Variants in ANK3 observed in about 807,000 individuals in gnomAD.
The protein encoded by ANK3 is ankyrin 3, also known as ankyrin-3.
ANK3 carries 57 observed loss-of-function variants against 370.9 expected under a neutral mutation model. The observed-to-expected ratio is 0.15, with a 90% confidence interval of 0.12 to 0.19. ANK3 has a LOEUF of 0.19. Among genes scored for constraint, ANK3 ranks in the 10% least tolerant of loss-of-function variants. The probability of loss-of-function intolerance (pLI) is 1.00; values close to 1 mark genes in which losing one functional copy is unlikely to be tolerated. For synonymous variants in ANK3, 1,929 were observed against 1,946.3 expected (o/e 0.99, Z 0.23); for missense variants, 4,439 against 5,302.1 (o/e 0.84, Z 5.06).
intron 2 of ANK3, among the ~76,000 whole-genome samples, chr10:60,475,225 A>G (rs1171915479): frequency 3.3e-5 from 5 of 152,130 alleles, no homozygotes; most frequent in African/African-American, 1.2e-4. Context: ...TATAAAAGCA[A>G]ATGGATCATA....
chr10:60,187,738 T>C (rs973795144), intron 16 of ANK3, among the ~76,000 whole-genome samples: 1 of 152,172 alleles, frequency 6.6e-6, no homozygotes, highest in Non-Finnish European at 1.5e-5. Context: ...CTCTCCTCAT[T>C]TGGCCTTTTG....
rs756221675 is a variant in ANK3, at chr10:60,055,778, T to C, written c.12945A>G (p.Ile4315Met). ...CAGGCACACAGGGTTTAGTCTCTTC[T>C]ATTATAAGCTTGCTGGTTTCTTCTA... ...KSLEETSKLI[I>M]EETKPCVPVS... The change falls in exon 42 of 44, where the codon ATA becomes ATG. Residue 4315 changes from isoleucine to methionine, a missense_variant. This residue lies in a region of ANK3 where 242 missense variants were observed against 228.0 expected (regional missense o/e 1.06). Transcript: ENST00000280772. 2 of 1,614,218 alleles carry C rather than the reference T, an allele frequency of 1.2e-6. No homozygotes were observed. The highest frequency in any genetic ancestry group is 1.1e-5 in the South Asian group (1 of 91,088).
At chr10:60,254,241 T>C (rs1410120557) in intron 7 of ANK3, among the ~76,000 whole-genome samples, 3 of 148,924 alleles carry the variant, frequency 2.0e-5, no homozygotes. Context: ...TGTTTTTTTT[T>C]TCCCCCCAAA....
At chr10:60,319,542 A>G (rs2048180567) in intron 1 of ANK3, among the ~76,000 whole-genome samples, 1 of 152,182 alleles carries the variant, frequency 6.6e-6, no homozygotes, top group African/African-American at 2.4e-5. Flanking sequence ...TTTACTATTT[A>G]AGCACATATT....
At chr10:60,700,952 A>G (rs978626311) in intron 1 of ANK3, among the ~76,000 whole-genome samples, 1 of 152,076 alleles carries the variant, frequency 6.6e-6, no homozygotes, top group Non-Finnish European at 1.5e-5. Flanking sequence ...AAAAATAAAA[A>G]TGTATATGGC....
chr10:60,250,338 A>T (rs896920494), intron 7 of ANK3, among the ~76,000 whole-genome samples: 1 of 152,232 alleles, frequency 6.6e-6, no homozygotes, highest in Non-Finnish European at 1.5e-5. Context: ...GTCTTGACTT[A>T]GAAACTGTTA....
chr10:60,149,778 G>A (rs188246798), intron 23 of ANK3, among the ~76,000 whole-genome samples: 2 of 152,182 alleles, frequency 1.3e-5, no homozygotes, highest in South Asian at 2.1e-4. Flanking sequence ...GTACGATCTC[G>A]GCTCACTGCA....
chr10:60,180,959 G>A (rs986927568), intron 18 of ANK3, among the ~76,000 whole-genome samples: 1 of 152,074 alleles, frequency 6.6e-6, no homozygotes, highest in Non-Finnish European at 1.5e-5. Flanking sequence ...GAACGTAGAG[G>A]TCACAAATTA....
intron 2 of ANK3, among the ~76,000 whole-genome samples, chr10:60,528,860 A>G (rs571371711): frequency 6.6e-6 from 1 of 152,242 alleles, no homozygotes; most frequent in South Asian, 2.1e-4. Flanking sequence ...ACTGATCTAT[A>G]TTCAGTACAG....
rs549669980 is a variant in ANK3, at chr10:60,225,018, A to T, written c.897+9670T>A. Among the ~76,000 whole-genome samples the T allele has an allele frequency of 2.2e-3, 338 of 151,562 alleles. 2 individuals carry two copies. The highest frequency in any genetic ancestry group is 6.9e-3 in the African/African-American group (286 of 41,292). ...CACCTCTGCCTTCTGGGTTCAAGCAACTCTCATGCATCAGCCTCCCAAGTA... is the reference window on the plus strand; with the variant it reads ...CACCTCTGCCTTCTGGGTTCAAGCATCTCTCATGCATCAGCCTCCCAAGTA... On this transcript the variant is annotated intron_variant, in intron 8 of 43. Transcript: ENST00000280772.
At chr10:60,195,310 G>A (rs7081850) in intron 16 of ANK3, among the ~76,000 whole-genome samples, 14,118 of 151,114 alleles carry the variant, frequency 0.093, 785 homozygotes, top group Admixed American at 0.14. Context: ...CGTGAACCCC[G>A]GAGGCGGAGC....
chr10:60,439,952 T>A (rs571732806), intron 2 of ANK3, among the ~76,000 whole-genome samples: 52 of 152,206 alleles, frequency 3.4e-4, no homozygotes, highest in African/African-American at 1.1e-3. Flanking sequence ...ATGGAAAAAA[T>A]TAGTTAATTA....
chr10:60,036,978 C>CCT (rs759366744), intron 43 of ANK3, among the ~76,000 whole-genome samples: 17 of 152,282 alleles, frequency 1.1e-4, no homozygotes, highest in Admixed American at 3.3e-4. Context: ...CAAGTCCAAG[C>CCT]CTGAATGCCT....
chr10:60,668,983 A>G (rs1344206906), intron 1 of ANK3, among the ~76,000 whole-genome samples: 1 of 151,464 alleles, frequency 6.6e-6, no homozygotes, highest in African/African-American at 2.4e-5. Flanking sequence ...ACAGAGTGAG[A>G]CTTCATCTCA....
In ANK3 at chr10:60,226,056, T is replaced by C. The variant is rs1346084963; in HGVS notation, c.897+8632A>G. 7.0e-5 allele frequency among the ~76,000 whole-genome samples: 10 copies of C among 142,866 alleles called. No individual in the cohort carries two copies. In the Admixed American group the frequency reaches 7.3e-4, roughly 10 times the overall value. 93.7% of individuals were successfully genotyped at this position (142,866 alleles called of 152,430 possible). A position where few individuals can be genotyped will look rare whatever the true frequency, so the allele number is the denominator to read the frequency against. ...TATTATATATAATAGAGAGTGTATA[T>C]AGTATATATTATATATAATATAGAG... is the stretch of plus-strand genomic sequence containing the variant. On this transcript the variant is annotated intron_variant, in intron 8 of 43. Coordinates refer to ENST00000280772, the MANE Select transcript of ANK3 (RefSeq NM_020987.5).
chr10:60,043,302 A>G, intron 42 of ANK3: 1 of 985,462 alleles, frequency 1.0e-6, no homozygotes, highest in Non-Finnish European at 1.2e-6. Flanking sequence ...TGGCACAAAT[A>G]CTCAGTTTTT....
Position 60,166,636 on chromosome 10 carries a change from G to A in ANK3, c.2569C>T (p.Pro857Ser), listed in dbSNP as rs2095631703. ...SDDEVRKANA[P>S]EMLSDGEYIS... ...TATTCGCCATCACTGAGCATTTCAG[G>A]GGCATTGGCTTTACGAACTGCATGA... The change falls in exon 23 of 44, where the codon CCT becomes TCT. Residue 857 changes from proline (P) to serine (S), a missense_variant. This residue lies in a region of ANK3 where 702 missense variants were observed against 941.5 expected (regional missense o/e 0.75). Transcript: ENST00000280772. 6.2e-7 allele frequency: 1 copy of A among 1,613,694 alleles called. No homozygotes were observed. Among genetic ancestry groups the A allele is most frequent in the East Asian group, 2.2e-5 (1 of 44,802 alleles).
At position 60,416,873 on chromosome 10, in the gene ANK3, C is replaced by T. The variant is rs117635239; in HGVS notation, c.97-137234G>A. 5.8e-3 allele frequency among the ~76,000 whole-genome samples: 879 copies of T among 152,194 alleles called. 9 individuals are homozygous for T. The highest frequency in any genetic ancestry group is 6.7e-3 in the African/African-American group (279 of 41,518). ...TCTCATTTGTTACAATCCATGAAAC[C>T]GTACACTTAAAGCTGAGTGTTTTAA... On this transcript the variant is annotated intron_variant, in intron 2 of 43. Coordinates refer to the ANK3 transcript ENST00000373827.
intron 2 of ANK3, among the ~76,000 whole-genome samples, chr10:60,555,024 T>C (rs2077176409): frequency 1.3e-5 from 2 of 151,820 alleles, no homozygotes; most frequent in African/African-American, 4.8e-5. Context: ...GGAACCAGAG[T>C]ACAAAATTCT....
Sources: allele counts gnomAD v4.1 joint callset (sites outside exome capture counted in the v4.1 genomes callset), GRCh38; gene constraint gnomAD v4.1.1; regional missense constraint gnomAD v4.1.1; transcripts MANE v1.5; gene names NCBI Gene and HGNC (gene_info 2026-07-23, HGNC 2026-07-21).